The following SMC2 variants were observed in gnomAD, a reference collection of about 807,000 sequenced individuals.
SMC2 encodes structural maintenance of chromosomes 2.
A neutral mutation model predicts 142.6 loss-of-function variants in SMC2; 41 were observed. The observed-to-expected ratio is 0.29, with a 90% CI of 0.22 to 0.37. SMC2 has a LOEUF of 0.37. SMC2 is among the 10% of genes least tolerant of loss of function. The pLI, the probability that SMC2 is intolerant of heterozygous loss-of-function variation, is 1.00. For missense variants in SMC2, 1,265 were observed against 1,373.7 expected, an observed-to-expected ratio of 0.92 and a Z score of 1.25; for synonymous variants, 463 against 457.5, an observed-to-expected ratio of 1.01 and a Z score of -0.15.
chr9:104,113,437 A>G lies in SMC2; in HGVS notation c.1376A>G (p.Glu459Gly), dbSNP rs779211029. Residue 459 changes from glutamate (E) to glycine (G), a missense_variant, in exon 11 of 25, where the codon GAA becomes GGA. Glu to Gly is a moderately conservative substitution (Grantham distance 98). This residue lies in a region of SMC2 where 898 missense variants were observed against 904.2 expected (regional missense o/e 0.99). Transcript: ENST00000374793. ...EALEAVKRLK[E>G]KLEAEMKKLN... ...CTAGAAGCTGTAAAAAGACTTAAAG[A>G]AAAACTTGAAGCTGAAATGAAAAAG... The G allele has an allele frequency of 1.9e-6, 3 of 1,602,374 alleles. No homozygotes were observed. The East Asian group carries it at 6.8e-5, about 36-fold the overall frequency.
At chr9:104,099,596 C>T (rs555517649) in intron 4 of SMC2, 48 bp from the exon 5 acceptor site, 2 of 1,217,586 alleles carry the variant, frequency 1.6e-6, no homozygotes, top group East Asian at 4.7e-5. Context: ...TACAGATAAA[C>T]ATTTTCTGTA....
chr9:104,099,172 G>T (rs891957748), intron 4 of SMC2, among the ~76,000 whole-genome samples: 3 of 151,922 alleles, frequency 2.0e-5, no homozygotes, highest in African/African-American at 7.3e-5. Flanking sequence ...TTTGTTTTTG[G>T]TAATGAATAA....
At position 104,095,519 on chromosome 9, in the gene SMC2, C is replaced by T. The variant is rs1004231872; in HGVS notation, c.135C>T (p.Ile45=). Residue 45 remains isoleucine (I), a synonymous_variant, in exon 2 of 25, where the codon ATC becomes ATT. Transcript: ENST00000374793. ...GSGKSNILDS[I]CFLLGISNLS... is the part of the protein sequence containing the mutation. ...GGAAATCCAACATATTGGACTCCAT[C>T]TGCTTTTTGCTGGGCATCTCCAACC... 16 of 1,614,058 alleles carry T rather than the reference C, an allele frequency of 9.9e-6. 1 individual carries two copies. Among genetic ancestry groups the T allele is most frequent in the Admixed American group, 6.7e-5 (4 of 60,028 alleles).
At chr9:104,118,130 G>GT (rs1564095398) in intron 14 of SMC2, 41 bp from the exon 15 acceptor site, 3 of 1,485,440 alleles carry the variant, frequency 2.0e-6, no homozygotes, top group Non-Finnish European at 2.8e-6. Context: ...GAAAGGAAAA[G>GT]TAGTAGTATG....
chr9:104,096,106 A>C (rs1236011718), intron 2 of SMC2, 42 bp from the exon 3 acceptor site: 2 of 1,583,198 alleles, frequency 1.3e-6, no homozygotes, highest in African/African-American at 2.7e-5. Flanking sequence ...TTTGTACGGT[A>C]GGGAGTTTTG....
chr9:104,136,779 C>G (rs1473533035), intron 23 of SMC2, among the ~76,000 whole-genome samples: 1 of 129,874 alleles, frequency 7.7e-6, no homozygotes, highest in South Asian at 2.3e-4. Context: ...TTTTGGCTAG[C>G]AATTTTTCTC....
At chr9:104,095,240 C>T (rs1830323908) in intron 1 of SMC2, 84 bp from the exon 2 acceptor site, 1 of 627,432 alleles carries the variant, frequency 1.6e-6, no homozygotes, top group Non-Finnish European at 2.8e-6. Context: ...TTTCTATCAC[C>T]CTATCGTTGC....
upstream of SMC2, among the ~76,000 whole-genome samples, chr9:104,089,768 C>G (rs527731433): frequency 1.3e-5 from 2 of 152,146 alleles, no homozygotes; most frequent in East Asian, 1.9e-4. Flanking sequence ...CGTGCCTCAG[C>G]CTTCTGAGTA....
chr9:104,112,188 G>GAA (rs1465380805), intron 10 of SMC2, among the ~76,000 whole-genome samples: 1 of 152,094 alleles, frequency 6.6e-6, no homozygotes, highest in Non-Finnish European at 1.5e-5. Context: ...GCTTTAACAG[G>GAA]AAAACAGGAT....
intron 13 of SMC2, 129 bp from the exon 14 acceptor site, chr9:104,116,071 A>T: frequency 1.4e-6 from 1 of 721,366 alleles, no homozygotes; most frequent in Non-Finnish European, 2.1e-6. Context: ...GTTCCATTGC[A>T]TATGTAATTA....
rs760538345 is a variant in SMC2, at chr9:104,126,738, A to G, written c.2549A>G (p.Tyr850Cys). 2.5e-6 allele frequency: 4 copies of G among 1,613,036 alleles called. No individual in the cohort carries two copies. Among genetic ancestry groups the G allele is most frequent in the African/African-American group, 2.7e-5 (2 of 74,876 alleles). Reference protein sequence around the residue: ...LEAVNEAIKSYESQIEVMAAE... With the variant: ...LEAVNEAIKSCESQIEVMAAE... ...GCTGTAAATGAAGCTATCAAATCCT[A>G]TGAAAGTCAGATTGAAGTAATGGCA... The change falls in exon 19 of 25, where the codon TAT (tyrosine) becomes TGT (cysteine). Residue 850 changes from tyrosine to cysteine, a missense_variant. Physicochemically the swap from Tyr to Cys is radical, Grantham distance 194. This residue lies in a region of SMC2 where 898 missense variants were observed against 904.2 expected (regional missense o/e 0.99). Transcript: ENST00000374793.
chr9:104,091,875 T>C (rs1298734468), upstream of SMC2, among the ~76,000 whole-genome samples: 1 of 151,842 alleles, frequency 6.6e-6, no homozygotes, highest in Non-Finnish European at 1.5e-5. Flanking sequence ...TGATGATGCC[T>C]TCCATATAAG....
At chr9:104,135,977 T>TAACA (rs1324976045) in intron 23 of SMC2, 3 of 513,418 alleles carry the variant, frequency 5.8e-6, no homozygotes, top group South Asian at 1.4e-5. Flanking sequence ...TGTTGGAAAC[T>TAACA]AACATGGATT....
At chr9:104,098,723 T>C (rs1312182656) in intron 4 of SMC2, among the ~76,000 whole-genome samples, 155 bp downstream of exon 4, 2 of 152,162 alleles carry the variant, frequency 1.3e-5, no homozygotes, top group African/African-American at 4.8e-5. Context: ...ATGGTTTAGT[T>C]ACTTGCACTG....
chr9:104,120,004 C>CTGTT lies in SMC2; in HGVS notation c.1997-21_1997-18dup, dbSNP rs774542408. The CTGTT allele has an allele frequency of 2.5e-6, 4 of 1,612,426 alleles. No individual in the cohort carries two copies. The East Asian group carries it at 8.9e-5, about 36-fold the overall frequency. ...CATACCTGGTAACAATGTGGAAGAC[C>CTGTT]TGTTTCAATTTGCCTCTATCAGGTG... On this transcript the variant is annotated intron_variant, in intron 15 of 24. Coordinates refer to ENST00000374793, the MANE Select transcript of SMC2 (RefSeq NM_006444.3).
intron 3 of SMC2, 140 bp from the exon 4 acceptor site, chr9:104,098,306 C>T: frequency 3.2e-6 from 2 of 616,254 alleles, no homozygotes; most frequent in Non-Finnish European, 5.2e-6. Flanking sequence ...CCATGTCATA[C>T]TTGTTCCACT....
At chr9:104,106,402 T>A (rs578153416) in intron 9 of SMC2, among the ~76,000 whole-genome samples, 1 of 152,290 alleles carries the variant, frequency 6.6e-6, no homozygotes, top group Admixed American at 6.5e-5. Context: ...TTATTTATTT[T>A]TTTGAGACGG....
At chr9:104,115,904 ATTTG>A (rs954923302) in intron 13 of SMC2, among the ~76,000 whole-genome samples, 2 of 151,176 alleles carry the variant, frequency 1.3e-5, no homozygotes, top group African/African-American at 4.9e-5. Context: ...TACTCTTTTT[ATTTG>A]TTCAGCTTTT....
intron 17 of SMC2, among the ~76,000 whole-genome samples, chr9:104,123,975 G>A (rs2167237): frequency 0.057 from 8,632 of 152,266 alleles, 656 homozygotes; most frequent in African/African-American, 0.18. Flanking sequence ...ATTTTCTGCA[G>A]TGAAAAGTAG....
Sources: allele counts gnomAD v4.1 joint callset (sites outside exome capture counted in the v4.1 genomes callset), GRCh38; gene constraint gnomAD v4.1.1; regional missense constraint gnomAD v4.1.1; transcripts MANE v1.5; gene names NCBI Gene and HGNC (gene_info 2026-07-23, HGNC 2026-07-21).